Variants in SLC30A7 observed in about 807,000 individuals in gnomAD.
The protein encoded by SLC30A7 is solute carrier family 30 member 7.
In SLC30A7, 35 loss-of-function variants were observed where a neutral mutation model predicts 46.0. That is an observed-to-expected ratio of 0.76 (90% CI 0.58 to 1.01). The LOEUF (loss-of-function observed/expected upper bound fraction) is 1.01, where lower values mean the gene tolerates loss of function less well. Ranked by LOEUF, SLC30A7 falls within the 50% of genes least tolerant of loss-of-function variation. The probability of loss-of-function intolerance (pLI) is 0.00; values close to 1 mark genes in which losing one functional copy is unlikely to be tolerated. For synonymous variants in SLC30A7, 147 were observed against 157.8 expected, an observed-to-expected ratio of 0.93 and a Z score of 0.51; for missense variants, 464 against 451.1, an observed-to-expected ratio of 1.03 and a Z score of -0.26.
intron 9 of SLC30A7, among the ~76,000 whole-genome samples, chr1:100,963,862 T>G: frequency 6.6e-6 from 1 of 152,112 alleles, no homozygotes; most frequent in East Asian, 1.9e-4. Flanking sequence ...GTTATAGTAC[T>G]AAAGGACATT....
intron 8 of SLC30A7, among the ~76,000 whole-genome samples, chr1:100,927,375 C>T (rs1318641036): frequency 6.6e-6 from 1 of 152,180 alleles, no homozygotes; most frequent in Non-Finnish European, 1.5e-5. Context: ...GTAAAGAAAC[C>T]TGTTAAACAG....
intron 8 of SLC30A7, among the ~76,000 whole-genome samples, chr1:100,949,510 A>C (rs955396108): frequency 9.9e-5 from 15 of 152,192 alleles, no homozygotes; most frequent in African/African-American, 3.6e-4. Context: ...CTCAGTGCTC[A>C]AAACACCATG....
chr1:100,896,322 C>G lies in SLC30A7; in HGVS notation c.60C>G (p.Gly20=). 1 of 1,614,198 alleles carries G rather than the reference C, an allele frequency of 6.2e-7. No individual in the cohort carries two copies. Among genetic ancestry groups the G allele is most frequent in the Non-Finnish European group, 8.5e-7 (1 of 1,180,032 alleles). The part of the protein sequence containing the change: ...EYKPPKFNLF[G]KISGWFRSIL... The stretch of plus-strand genomic sequence containing the variant: ...AACCACCCAAGTTCAATTTGTTCGG[C>G]AAGATCTCGGGCTGGTTTAGGTGCG... The change falls in exon 1 of 11, where the codon GGC becomes GGG. Residue 20 remains glycine, a synonymous_variant. Coordinates refer to ENST00000357650, the MANE Select transcript of SLC30A7 (RefSeq NM_133496.5).
intron 8 of SLC30A7, among the ~76,000 whole-genome samples, chr1:100,949,950 C>T (rs1654870216): frequency 6.6e-6 from 1 of 152,160 alleles, no homozygotes; most frequent in Admixed American, 6.5e-5. Flanking sequence ...AGGGAAATCC[C>T]CCAACCCCTT....
At position 100,961,862 on chromosome 1, in the gene SLC30A7, T is replaced by A. The variant is rs747666467; in HGVS notation, c.877T>A (p.Leu293Ile). Residue 293 changes from leucine (L) to isoleucine (I), a missense_variant, in exon 9 of 11, where the codon TTA (leucine) becomes ATA (isoleucine). Transcript: ENST00000357650. ...IPLLRESVGI[L>I]MQRTPPLLEN... ...TCTTTTAAGAGAATCTGTTGGAATA[T>A]TAATGCAGAGAACTCCTCCCCTATT... 6.2e-7 allele frequency: 1 copy of A among 1,608,042 alleles called. No individual in the cohort carries two copies. The highest frequency in any genetic ancestry group is 1.3e-5 in the African/African-American group (1 of 74,700).
At chr1:100,983,793 A>G (rs1160310160), downstream of SLC30A7, among the ~76,000 whole-genome samples, 3 of 152,232 alleles carry the variant, frequency 2.0e-5, no homozygotes, top group Non-Finnish European at 4.4e-5. Flanking sequence ...GAGCACTTAG[A>G]TAGCAATTAA....
chr1:100,911,031 AT>A, intron 3 of SLC30A7, 31 bp from the exon 4 acceptor site: 1 of 1,474,516 alleles, frequency 6.8e-7, no homozygotes, highest in South Asian at 1.2e-5. Flanking sequence ...AAATAACATA[AT>A]AATTCAGTTA....
chr1:100,956,967 T>A (rs1196282731), intron 8 of SLC30A7, among the ~76,000 whole-genome samples: 1 of 152,262 alleles, frequency 6.6e-6, no homozygotes, highest in Non-Finnish European at 1.5e-5. Flanking sequence ...CTCTGCAGGC[T>A]TATTAAAAAT....
intron 8 of SLC30A7, among the ~76,000 whole-genome samples, chr1:100,940,216 A>G (rs1654259843): frequency 6.6e-6 from 1 of 152,318 alleles, no homozygotes; most frequent in African/African-American, 2.4e-5. Context: ...CCATTTGGAA[A>G]AAGATAAATT....
At chr1:100,936,180 G>A (rs902070451) in intron 8 of SLC30A7, among the ~76,000 whole-genome samples, 4 of 151,606 alleles carry the variant, frequency 2.6e-5, no homozygotes, top group Non-Finnish European at 5.9e-5. Flanking sequence ...TTTGTCAAGC[G>A]GCTGAAGTGG....
intron 2 of SLC30A7, among the ~76,000 whole-genome samples, chr1:100,906,210 A>G (rs1303082455): frequency 6.6e-6 from 1 of 151,834 alleles, no homozygotes; most frequent in Non-Finnish European, 1.5e-5. Context: ...TTCTTGCTCC[A>G]CTCTCAGCTT....
At chr1:100,904,718 A>G (rs975727649) in intron 2 of SLC30A7, among the ~76,000 whole-genome samples, 1 of 152,212 alleles carries the variant, frequency 6.6e-6, no homozygotes, top group African/African-American at 2.4e-5. Flanking sequence ...CCTGTGCCAC[A>G]GAAGCTCTTT....
chr1:100,912,373 CT>C, intron 5 of SLC30A7, 135 bp downstream of exon 5: 2 of 987,316 alleles, frequency 2.0e-6, no homozygotes, highest in Non-Finnish European at 3.0e-6. Flanking sequence ...TGAACTATCC[CT>C]TTCACTTCTT....
At chr1:100,951,404 C>T (rs1654944548) in intron 8 of SLC30A7, among the ~76,000 whole-genome samples, 1 of 152,212 alleles carries the variant, frequency 6.6e-6, no homozygotes, top group East Asian at 1.9e-4. Flanking sequence ...TTAGTTAATC[C>T]ATTCCTAATT....
At chr1:100,929,368 A>G (rs1570544817) in intron 8 of SLC30A7, among the ~76,000 whole-genome samples, 1 of 152,210 alleles carries the variant, frequency 6.6e-6, no homozygotes, top group East Asian at 1.9e-4. Context: ...AAGAAAACAA[A>G]CTGAATTTAT....
intron 9 of SLC30A7, among the ~76,000 whole-genome samples, chr1:100,964,283 A>ATATAGGTTATATAACCTATAACC (rs61149573): frequency 7.0e-4 from 55 of 78,560 alleles, no homozygotes; most frequent in African/African-American, 2.7e-3. Flanking sequence ...AACCTATAAC[A>ATATAGGTTATATAACCTATAACC]TATATGTTAT....
intron 7 of SLC30A7, among the ~76,000 whole-genome samples, chr1:100,920,778 A>G (rs1014112347): frequency 6.6e-6 from 1 of 152,056 alleles, no homozygotes; most frequent in Admixed American, 6.5e-5. Context: ...GTATTTCTCA[A>G]CTACATACAT....
chr1:100,900,664 G>A lies in SLC30A7; in HGVS notation c.182+3993G>A, dbSNP rs114813234. Among the ~76,000 whole-genome samples, 685 of 151,892 alleles carry A rather than the reference G, an allele frequency of 4.5e-3. 4 individuals carry two copies. Among genetic ancestry groups the A allele is most frequent in the African/African-American group, 0.016 (661 of 41,414 alleles). On this transcript the variant is annotated intron_variant, in intron 2 of 10. Transcript: ENST00000357650. ...TATAATGGAATGTAGTGGAGTTCTGGGTTATTTCACTGTAACTCATTTAGT... is the reference window on the plus strand; with the variant it reads ...TATAATGGAATGTAGTGGAGTTCTGAGTTATTTCACTGTAACTCATTTAGT...
intron 8 of SLC30A7, among the ~76,000 whole-genome samples, chr1:100,947,468 TC>T (rs1221878961): frequency 6.6e-6 from 1 of 152,232 alleles, no homozygotes; most frequent in Non-Finnish European, 1.5e-5. Context: ...GTGCTTTACT[TC>T]CAATTATGTG....
Sources: gnomAD v4.1 joint callset for allele counts (sites outside exome capture counted in the v4.1 genomes callset) on GRCh38, gnomAD v4.1.1 for gene constraint, MANE v1.5 for transcripts, NCBI Gene and HGNC (gene_info 2026-07-23, HGNC 2026-07-21) for gene names.